GALNT2: variants seen among roughly 807,000 people sequenced by gnomAD.
The protein encoded by GALNT2 is UDP-GalNAc:polypeptide N-acetylgalactosaminyltransferase 2.
In GALNT2, 31 loss-of-function variants were observed where a neutral mutation model predicts 81.4. The ratio of observed to expected loss-of-function variants is 0.38; its 90% CI spans 0.29 to 0.51. GALNT2 has a LOEUF of 0.51. Among genes scored for constraint, GALNT2 ranks in the 20% least tolerant of loss-of-function variants. The pLI, the probability that GALNT2 is intolerant of heterozygous loss-of-function variation, is 0.87. For missense variants in GALNT2, 629 were observed against 765.7 expected, an observed-to-expected ratio of 0.82 and a Z score of 2.11; for synonymous variants, 303 against 287.4, an observed-to-expected ratio of 1.05 and a Z score of -0.55.
At chr1:230,162,883 A>T (rs538516057) in intron 1 of GALNT2, among the ~76,000 whole-genome samples, 1 of 152,158 alleles carries the variant, frequency 6.6e-6, no homozygotes, top group African/African-American at 2.4e-5. Context: ...ACATTTCCAC[A>T]TGACTGTCCA....
intron 1 of GALNT2, among the ~76,000 whole-genome samples, chr1:230,094,380 T>G (rs543790342): frequency 2.0e-5 from 3 of 152,058 alleles, no homozygotes; most frequent in African/African-American, 7.2e-5. Flanking sequence ...TCCCAGCACT[T>G]TGGGAGGTCG....
chr1:230,212,847 CTT>C (rs897547765), intron 3 of GALNT2, among the ~76,000 whole-genome samples: 1 of 151,492 alleles, frequency 6.6e-6, no homozygotes, highest in Non-Finnish European at 1.5e-5. Context: ...TATGTTTCCT[CTT>C]TTTTTTTGGT....
intron 14 of GALNT2, among the ~76,000 whole-genome samples, chr1:230,268,916 C>A (rs1666101847): frequency 6.6e-6 from 1 of 152,228 alleles, no homozygotes; most frequent in Non-Finnish European, 1.5e-5. Flanking sequence ...CTTGCCTCTG[C>A]ACCAACTTCA....
intron 1 of GALNT2, among the ~76,000 whole-genome samples, chr1:230,128,446 G>A (rs374352419): frequency 3.9e-5 from 6 of 152,240 alleles, no homozygotes; most frequent in Non-Finnish European, 2.9e-5. Context: ...AGAGCCCAGC[G>A]TCTGCATGGC....
chr1:230,129,381 G>A lies in GALNT2; in HGVS notation c.127-48837G>A, dbSNP rs527933816. ...CACCCAGGCTAGAATGCAGAGGCGT[G>A]ATCGTAGCACCCTGAGGCTTCAAAC... On this transcript the variant is annotated intron_variant, in intron 1 of 15. Transcript: ENST00000366672. Among the ~76,000 whole-genome samples, 5 of 152,286 alleles carry A rather than the reference G, an allele frequency of 3.3e-5. No individual in the cohort carries two copies. The East Asian group carries it at 9.6e-4, about 29-fold the overall frequency.
At chr1:230,240,465 G>A (rs948892129) in intron 6 of GALNT2, among the ~76,000 whole-genome samples, 8 of 152,140 alleles carry the variant, frequency 5.3e-5, no homozygotes, top group Non-Finnish European at 8.8e-5. Flanking sequence ...GGTGGCATGC[G>A]CCTGTAGTCC....
chr1:230,156,542 A>G (rs190490690), intron 1 of GALNT2, among the ~76,000 whole-genome samples: 1 of 152,040 alleles, frequency 6.6e-6, no homozygotes, highest in African/African-American at 2.4e-5. Flanking sequence ...AGCATTTTCA[A>G]CATGCTTCCT....
rs556567810 is a variant in GALNT2 at position 230,070,004 on chromosome 1, G to T, written c.126+2598G>T. Among the ~76,000 whole-genome samples the T allele has an allele frequency of 6.6e-6, 1 of 152,162 alleles. No individual in the cohort carries two copies. The highest frequency in any genetic ancestry group is 1.5e-5 in the Non-Finnish European group (1 of 68,042). Reference sequence around the variant, plus strand: ...AGCAGCCCAGCCCAGGCTTGTCATTGTGTGCCCTGCCTGTTAAGTAACTCA... The same window carrying T: ...AGCAGCCCAGCCCAGGCTTGTCATTTTGTGCCCTGCCTGTTAAGTAACTCA... On this transcript the variant is annotated intron_variant, in intron 1 of 15. Transcript: ENST00000366672. The surrounding 1 kb of genome is among the most constrained non-coding windows in gnomAD (Gnocchi z 4.7).
At chr1:230,273,529 AT>A (rs1198495429) in intron 14 of GALNT2, among the ~76,000 whole-genome samples, 1 of 152,176 alleles carries the variant, frequency 6.6e-6, no homozygotes, top group East Asian at 1.9e-4. Flanking sequence ...ATGGAGAGTG[AT>A]GGTCAGAAGC....
intron 10 of GALNT2, among the ~76,000 whole-genome samples, chr1:230,251,072 T>C (rs1665532348): frequency 6.6e-6 from 1 of 152,242 alleles, no homozygotes; most frequent in African/African-American, 2.4e-5. Flanking sequence ...AAATACCCCA[T>C]GCAAATTATT....
chr1:230,270,384 G>A (rs1367930214), intron 14 of GALNT2, among the ~76,000 whole-genome samples: 1 of 152,168 alleles, frequency 6.6e-6, no homozygotes, highest in East Asian at 1.9e-4. Flanking sequence ...GCTACTATCA[G>A]TACTTTCCAA....
intron 1 of GALNT2, among the ~76,000 whole-genome samples, chr1:230,162,041 A>G (rs1662452272): frequency 6.6e-6 from 1 of 152,226 alleles, no homozygotes; most frequent in Non-Finnish European, 1.5e-5. Context: ...AATTAAAAAA[A>G]AAATCTTGGC....
At chr1:230,239,125 C>CT (rs567697077) in intron 6 of GALNT2, among the ~76,000 whole-genome samples, 7 of 152,104 alleles carry the variant, frequency 4.6e-5, no homozygotes, top group East Asian at 1.9e-4. Flanking sequence ...GATATTGTCT[C>CT]TTTTTTTACT....
upstream of GALNT2, among the ~76,000 whole-genome samples, chr1:230,066,345 T>C (rs1659181137): frequency 6.6e-6 from 1 of 152,284 alleles, no homozygotes; most frequent in Non-Finnish European, 1.5e-5. Flanking sequence ...AGATGCTTAA[T>C]GTGCTTTTTA....
At chr1:230,167,842 T>C (rs1198308272) in intron 1 of GALNT2, among the ~76,000 whole-genome samples, 2 of 152,214 alleles carry the variant, frequency 1.3e-5, no homozygotes, top group Admixed American at 1.3e-4. Flanking sequence ...AAGTGCTGCC[T>C]GAGGGCTTCA....
intron 2 of GALNT2, among the ~76,000 whole-genome samples, chr1:230,197,297 C>T (rs1663726341): frequency 1.3e-5 from 2 of 152,154 alleles, no homozygotes; most frequent in African/African-American, 2.4e-5. Flanking sequence ...ATGGGGAGGG[C>T]GGGAGGTACT....
Position 230,262,919 on chromosome 1 carries a change from C to T in GALNT2, c.1230-3C>T, listed in dbSNP as rs1469490703. 3 of 1,612,578 alleles carry T rather than the reference C, an allele frequency of 1.9e-6. No individual in the cohort carries two copies. Among genetic ancestry groups the T allele is most frequent in the East Asian group, 2.2e-5 (1 of 44,896 alleles). On this transcript the variant is annotated splice_polypyrimidine_tract_variant and splice_region_variant and intron_variant, in intron 12 of 15. Transcript: ENST00000366672. ...AAAGGAATCTTATTTCCCTCTTCTC[C>T]AGTATTCAGAGCAGATTGGAGCTTA...
chr1:230,273,292 G>T (rs572267482), intron 14 of GALNT2, among the ~76,000 whole-genome samples: 1 of 152,306 alleles, frequency 6.6e-6, no homozygotes, highest in African/African-American at 2.4e-5. Flanking sequence ...TAGAAAGGGA[G>T]CCTGGCTCTG....
intron 11 of GALNT2, among the ~76,000 whole-genome samples, chr1:230,256,094 A>T (rs1044411776): frequency 2.0e-5 from 3 of 152,146 alleles, no homozygotes; most frequent in African/African-American, 7.2e-5. Flanking sequence ...AATCCCCCCC[A>T]TGAGAGTGGA....
Sources: allele counts gnomAD v4.1 joint callset (sites outside exome capture counted in the v4.1 genomes callset), GRCh38; gene constraint gnomAD v4.1.1; non-coding constraint Gnocchi (gnomAD v3.1); transcripts MANE v1.5; gene names NCBI Gene and HGNC (gene_info 2026-07-23, HGNC 2026-07-21).